Variants in AP5Z1 observed in about 807,000 individuals in gnomAD.
AP5Z1 encodes the protein AP-5 complex subunit zeta-1.
AP5Z1 carries 106 observed loss-of-function variants against 83.0 expected under a neutral mutation model. The ratio of observed to expected loss-of-function variants is 1.28; its 90% CI spans 1.09 to 1.50. The LOEUF (loss-of-function observed/expected upper bound fraction) is 1.50, where lower values mean the gene tolerates loss of function less well. Among genes scored for constraint, AP5Z1 ranks in the 40% most tolerant of loss-of-function variants. The pLI is 0.00. For missense variants in AP5Z1, 1,565 were observed against 1,094.2 expected, an observed-to-expected ratio of 1.43 and a Z score of -6.07; for synonymous variants, 751 against 514.1, an observed-to-expected ratio of 1.46 and a Z score of -6.23.
rs1016155853 is a variant in AP5Z1 at position 4,788,666 on chromosome 7, G to A, written c.1596-174G>A. On this transcript the variant is annotated intron_variant, in intron 12 of 16. Transcript: ENST00000649063. Reference sequence around the variant, plus strand: ...TGTCCCGATGGCTTTACTGTCCCGGGTGTGCTGACGCCAGGGGTCTCCCCA... The same window carrying A: ...TGTCCCGATGGCTTTACTGTCCCGGATGTGCTGACGCCAGGGGTCTCCCCA... 6.8e-6 allele frequency: 4 copies of A among 586,686 alleles called. No homozygotes were observed. The South Asian group carries it at 7.5e-5, about 11-fold the overall frequency. 36.3% of individuals were successfully genotyped at this position (586,686 alleles called of 1,614,324 possible).
chr7:4,793,317 A>C lies in AP5Z1; in HGVS notation c.*1932A>C, dbSNP rs1405126256. On this transcript the variant is annotated 3_prime_UTR_variant, in exon 17 of 17. Transcript: ENST00000649063. ...TTTCAGATTTACAGAAAAGATGATA[A>C]ACCTTAGAAACATTATATGCTAAGT... 1 of 152,294 alleles carries C rather than the reference A, an allele frequency of 6.6e-6. No homozygotes were observed. 9.4% of individuals were successfully genotyped at this position (152,294 alleles called of 1,614,324 possible).
chr7:4,791,273 G>C lies in AP5Z1; in HGVS notation c.2312G>C (p.Ser771Thr). The C allele has an allele frequency of 6.2e-7, 1 of 1,612,706 alleles. No homozygotes were observed. Among genetic ancestry groups the C allele is most frequent in the African/African-American group, 1.3e-5 (1 of 75,064 alleles). Residue 771 changes from serine to threonine, a missense_variant, in exon 17 of 17, where the codon AGC (serine) becomes ACC (threonine). Ser to Thr is a moderately conservative substitution (Grantham distance 58). Transcript: ENST00000649063. ...GTGGCCCAGTTTGTGCTCACACCCAGCACGGAGGTGTGCAGCCCCCGCTAT... is the reference window on the plus strand; with the variant it reads ...GTGGCCCAGTTTGTGCTCACACCCACCACGGAGGTGTGCAGCCCCCGCTAT... ...PSVAQFVLTPSTEVCSPRYHR... is the reference protein window; with the variant it reads ...PSVAQFVLTPTTEVCSPRYHR...
At chr7:4,779,215 G>A (rs1406720969) in intron 1 of AP5Z1, among the ~76,000 whole-genome samples, 2 of 143,928 alleles carry the variant, frequency 1.4e-5, no homozygotes, top group South Asian at 4.2e-4. Context: ...CATATATTAT[G>A]TATAACATAT....
At position 4,790,122 on chromosome 7, in the gene AP5Z1, T is replaced by C. The variant is rs1336265641; in HGVS notation, c.1805+193T>C. The C allele has an allele frequency of 5.1e-6, 7 of 1,375,716 alleles. No homozygotes were observed. The Admixed American group carries it at 7.3e-5, about 14-fold the overall frequency. 85.2% of individuals were successfully genotyped at this position (1,375,716 alleles called of 1,614,324 possible). On this transcript the variant is annotated intron_variant, in intron 14 of 16. Transcript: ENST00000649063. ...CACTTCTCTCTGCTTCTCAAGAACA[T>C]TCCCGTCCTTCTTTCTGCCGAGCCT...
At position 4,783,299 on chromosome 7, in the gene AP5Z1, C is replaced by G. The variant is rs1781434190; in HGVS notation, c.367-17C>G. 6.3e-7 allele frequency: 1 copy of G among 1,591,642 alleles called. No homozygotes were observed. The highest frequency in any genetic ancestry group is 8.6e-7 in the Non-Finnish European group (1 of 1,168,388). ...GCACAGGCCAGTACCCCAGCGTTTG[C>G]CCTGTTTGATTTGAAGGGTGACAGA... On this transcript the variant is annotated splice_polypyrimidine_tract_variant and intron_variant, in intron 3 of 16. Transcript: ENST00000649063.
Position 4,791,462 on chromosome 7 carries a change from A to G in AP5Z1, c.*77A>G. The G allele has an allele frequency of 6.7e-7, 1 of 1,494,848 alleles. No homozygotes were observed. Among genetic ancestry groups the G allele is most frequent in the Non-Finnish European group, 9.0e-7 (1 of 1,116,264 alleles). 92.6% of individuals were successfully genotyped at this position (1,494,848 alleles called of 1,614,324 possible). ...TTGCTACTGAGGCCAGGCTGATAGG[A>G]GCTCAGGAGGGCGCGGGAGTCCTGG... is the stretch of plus-strand genomic sequence containing the variant. On this transcript the variant is annotated 3_prime_UTR_variant, in exon 17 of 17. Transcript: ENST00000649063.
Position 4,792,546 on chromosome 7 carries a change from G to T in AP5Z1, c.*1161G>T, listed in dbSNP as rs1279354144. 6.6e-6 allele frequency: 1 copy of T among 152,298 alleles called. No homozygotes were observed. The highest frequency in any genetic ancestry group is 2.4e-5 in the African/African-American group (1 of 41,464). 9.4% of individuals were successfully genotyped at this position (152,298 alleles called of 1,614,324 possible). A position where few individuals can be genotyped will look rare whatever the true frequency, so the allele number is the denominator to read the frequency against. ...GCTCAGGAGCTCCCCAGATGCCCGA[G>T]CCGAACCGCGGGGTCCTCACCGCCA... is the stretch of plus-strand genomic sequence containing the variant. On this transcript the variant is annotated 3_prime_UTR_variant, in exon 17 of 17. Coordinates refer to ENST00000649063, the MANE Select transcript of AP5Z1 (RefSeq NM_014855.3).
rs1583227724 is a variant in AP5Z1 at position 4,781,257 on chromosome 7, C to T, written c.124C>T (p.Leu42Phe). 6.2e-7 allele frequency: 1 copy of T among 1,613,882 alleles called. No homozygotes were observed. The highest frequency in any genetic ancestry group is 1.7e-5 in the Admixed American group (1 of 60,024). Reference sequence around the variant, plus strand: ...GGCGGAGGACTTGGGGCCGGACACCCTCGACTCCCTGCAGAGGCTCTTCCT... The same window carrying T: ...GGCGGAGGACTTGGGGCCGGACACCTTCGACTCCCTGCAGAGGCTCTTCCT... ...LQAEDLGPDT[L>F]DSLQRLFLII... The change falls in exon 2 of 17, where the codon CTC becomes TTC. Residue 42 changes from leucine (L) to phenylalanine (F), a missense_variant. By Grantham distance (22) the Leu-to-Phe change is conservative. Coordinates refer to ENST00000649063, the MANE Select transcript of AP5Z1 (RefSeq NM_014855.3).
At chr7:4,786,476 C>T (rs773141544) in intron 10 of AP5Z1, 48 bp downstream of exon 10, 4 of 1,600,996 alleles carry the variant, frequency 2.5e-6, no homozygotes, top group African/African-American at 2.7e-5. Context: ...TGGTAAGTCC[C>T]TGGGGCTCCT....
chr7:4,776,757 A>C (rs1781240250), intron 1 of AP5Z1, among the ~76,000 whole-genome samples: 2 of 151,978 alleles, frequency 1.3e-5, no homozygotes, highest in South Asian at 4.1e-4. Flanking sequence ...AAAAAAAGTA[A>C]AGAAAATACA....
At chr7:4,784,094 G>A in intron 5 of AP5Z1, 109 bp from the exon 6 acceptor site, 1 of 1,335,062 alleles carries the variant, frequency 7.5e-7, no homozygotes, top group Non-Finnish European at 1.0e-6. Context: ...CGCTGCCCGG[G>A]CTCATGTTCA....
intron 10 of AP5Z1, 138 bp downstream of exon 10, chr7:4,786,566 C>T (rs1781551548): frequency 4.0e-6 from 4 of 990,394 alleles, no homozygotes; most frequent in Admixed American, 4.6e-5. Context: ...ATGCGGTGTG[C>T]AGGGTGAGGT....
rs989473271 is a variant in AP5Z1 at position 4,783,468 on chromosome 7, G to A, written c.511+8G>A. ...CGGGCACCCTCCAGGAGGGTACGCG[G>A]GGCCCCTCCCAAGAGGCTGTTGGGG... On this transcript the variant is annotated splice_region_variant and intron_variant, in intron 4 of 16. Coordinates refer to ENST00000649063, the MANE Select transcript of AP5Z1 (RefSeq NM_014855.3). 4 of 1,610,228 alleles carry A rather than the reference G, an allele frequency of 2.5e-6. No homozygotes were observed. The highest frequency in any genetic ancestry group is 3.4e-6 in the Non-Finnish European group (4 of 1,178,464).
rs1301831094 is a variant in AP5Z1 at position 4,794,098 on chromosome 7, G to A, written c.*2713G>A. The A allele has an allele frequency of 6.6e-6, 1 of 152,356 alleles. No individual in the cohort carries two copies. The highest frequency in any genetic ancestry group is 1.5e-5 in the Non-Finnish European group (1 of 68,260). 9.4% of individuals were successfully genotyped at this position (152,356 alleles called of 1,614,324 possible). A position where few individuals can be genotyped will look rare whatever the true frequency, so the allele number is the denominator to read the frequency against. ...CTCAGGGTTTGTGAATGCACCAATA[G>A]ACACTCTGTATCTAGCTACTCTGGT... On this transcript the variant is annotated 3_prime_UTR_variant, in exon 17 of 17. Transcript: ENST00000649063.
intron 1 of AP5Z1, among the ~76,000 whole-genome samples, chr7:4,779,482 A>T (rs111352154): frequency 0.036 from 5,248 of 146,064 alleles, 96 homozygotes; most frequent in South Asian, 0.052. Context: ...ATATATATAT[A>T]TTTTTTTTTG....
rs747440727 is a variant in AP5Z1 at position 4,785,471 on chromosome 7, G to A, written c.969+19G>A. ...GAAAGCTGTAAGTGGCTGGGGACCA[G>A]GGGATGGGAGGCAGCGACTCGGCCC... On this transcript the variant is annotated intron_variant, in intron 8 of 16. Coordinates refer to ENST00000649063, the MANE Select transcript of AP5Z1 (RefSeq NM_014855.3). 2.5e-6 allele frequency: 4 copies of A among 1,613,040 alleles called. No homozygotes were observed. The highest frequency in any genetic ancestry group is 2.5e-6 in the Non-Finnish European group (3 of 1,179,346).
intron 1 of AP5Z1, among the ~76,000 whole-genome samples, 163 bp downstream of exon 1, chr7:4,775,919 T>C (rs929260410): frequency 6.6e-6 from 1 of 151,878 alleles, no homozygotes; most frequent in Non-Finnish European, 1.5e-5. Flanking sequence ...GCGGCCAGGC[T>C]TGGGGTGAGG....
rs766434226 is a variant in AP5Z1 at position 4,789,935 on chromosome 7, T to C, written c.1805+6T>C. ...TACGCTGCCGGTGTGCACAGGTAGG[T>C]CCCTCCTGCGCTCCTGCCACAGCCC... is the stretch of plus-strand genomic sequence containing the variant. On this transcript the variant is annotated splice_donor_region_variant and intron_variant, in intron 14 of 16. Transcript: ENST00000649063. 1 of 1,531,388 alleles carries C rather than the reference T, an allele frequency of 6.5e-7. No individual in the cohort carries two copies. The highest frequency in any genetic ancestry group is 8.8e-7 in the Non-Finnish European group (1 of 1,135,652). 94.9% of individuals were successfully genotyped at this position (1,531,388 alleles called of 1,614,324 possible).
rs943798452 is a variant in AP5Z1 at position 4,787,551 on chromosome 7, C to G, written c.1312-83C>G. The G allele has an allele frequency of 1.1e-5, 17 of 1,498,594 alleles. No individual in the cohort carries two copies. In the Admixed American group the frequency reaches 3.3e-4, roughly 29 times the overall value. 92.8% of individuals were successfully genotyped at this position (1,498,594 alleles called of 1,614,324 possible). On this transcript the variant is annotated intron_variant, in intron 10 of 16. Transcript: ENST00000649063. ...CCTGGGGACTGCAGGTCTGGGACAG[C>G]TGTGGGGCCCTAGCTGGCTCCTCCC...
Sources: allele counts gnomAD v4.1 joint callset (sites outside exome capture counted in the v4.1 genomes callset), GRCh38; gene constraint gnomAD v4.1.1; transcripts MANE v1.5; gene names NCBI Gene and HGNC (gene_info 2026-07-23, HGNC 2026-07-21).